LRRC9: variants seen among roughly 807,000 people sequenced by gnomAD.
LRRC9 encodes leucine-rich repeat-containing protein 9.
A neutral mutation model predicts 63.2 loss-of-function variants in LRRC9; 122 were observed. The observed-to-expected ratio is 1.93, with a 90% CI of 1.67 to 2.24. The LOEUF (loss-of-function observed/expected upper bound fraction) is 2.24, where lower values mean the gene tolerates loss of function less well. Among genes scored for constraint, LRRC9 ranks in the 30% most tolerant of loss-of-function variants. The probability of loss-of-function intolerance (pLI) is 0.00; values close to 1 mark genes in which losing one functional copy is unlikely to be tolerated. For synonymous variants in LRRC9, 366 were observed against 213.1 expected (o/e 1.72, Z -6.25); for missense variants, 1,071 against 627.7 (o/e 1.71, Z -7.55).
At chr14:59,982,104 T>C (rs1308232543) in intron 16 of LRRC9, 44 bp downstream of exon 16, 1 of 664,648 alleles carries the variant, frequency 1.5e-6, no homozygotes, top group Non-Finnish European at 2.7e-6. Flanking sequence ...GAATCTTGAA[T>C]TTGGAATCAG....
At chr14:59,940,657 G>C (rs1881664965) in intron 7 of LRRC9, among the ~76,000 whole-genome samples, 1 of 151,812 alleles carries the variant, frequency 6.6e-6, no homozygotes, top group African/African-American at 2.4e-5. Flanking sequence ...TTCAGTACAG[G>C]GTTGTTTTGG....
chr14:59,946,670 C>T (rs1290525306), intron 8 of LRRC9, among the ~76,000 whole-genome samples: 3 of 139,858 alleles, frequency 2.1e-5, no homozygotes, highest in Non-Finnish European at 4.6e-5. Flanking sequence ...CCACTCCTCA[C>T]CACAGTCCCC....
In LRRC9 at chr14:59,958,819, G is replaced by C. The variant is rs748756995; in HGVS notation, c.883-999G>C. 1.6e-3 allele frequency among the ~76,000 whole-genome samples: 251 copies of C among 152,318 alleles called. 4 individuals carry two copies. Among genetic ancestry groups the C allele is most frequent in the Non-Finnish European group, 4.4e-4 (30 of 68,026 alleles). On this transcript the variant is annotated intron_variant, in intron 8 of 31. Transcript: ENST00000445360. The surrounding 1 kb of genome is among the most constrained non-coding windows in gnomAD (Gnocchi z 4.0). ...AACGGTGGGAAAAGCATAGTAACCC[G>C]GCTGGGTAGCACAGTCCCTCACAGC... is the stretch of plus-strand genomic sequence containing the variant.
Position 59,933,633 on chromosome 14 carries a change from A to C in LRRC9, c.543+1594A>C, listed in dbSNP as rs191408990. 4.6e-5 allele frequency among the ~76,000 whole-genome samples: 7 copies of C among 152,342 alleles called. No homozygotes were observed. In the East Asian group the frequency reaches 1.3e-3, roughly 29 times the overall value. ...AAATATAAAAATACCAAAAAGCTAT[A>C]GAATGAGGCAGATTAAGTCCCTTAA... On this transcript the variant is annotated intron_variant, in intron 6 of 31. Transcript: ENST00000445360.
rs769138600 is a variant in LRRC9 at position 59,985,168 on chromosome 14, C to T, written c.2155C>T (p.Arg719Ter). 1.2e-5 allele frequency: 8 copies of T among 692,312 alleles called. No homozygotes were observed. Among genetic ancestry groups the T allele is most frequent in the African/African-American group, 5.3e-5 (3 of 57,070 alleles). 42.9% of individuals were successfully genotyped at this position (692,312 alleles called of 1,614,324 possible). ...AGATCTCTCCAAGTTAACAGGACTT[C>T]GAAAACTAAACATTAGCTTTAATGA... The change falls in exon 17 of 32, where the codon CGA becomes TGA. Residue 719 changes from arginine (R) to a stop codon, truncating the protein, a stop_gained. Coordinates refer to ENST00000445360, the Ensembl canonical transcript of LRRC9. LOFTEE classifies it high-confidence loss of function.
rs1894565311 is a variant in LRRC9 at position 60,060,187 on chromosome 14, C to A, written c.4276+2165C>A. ...TCAATGTACAAAGCTTGGATAACAG[C>A]ACATCTGTTTACAGCATAGTTTACT... On this transcript the variant is annotated intron_variant, in intron 31 of 31. Coordinates refer to ENST00000445360, the Ensembl canonical transcript of LRRC9. The surrounding 1 kb of genome is among the most constrained non-coding windows in gnomAD (Gnocchi z 4.0). 6.6e-6 allele frequency among the ~76,000 whole-genome samples: 1 copy of A among 152,194 alleles called. No individual in the cohort carries two copies. Among genetic ancestry groups the A allele is most frequent in the Admixed American group, 6.5e-5 (1 of 15,268 alleles).
chr14:59,984,806 T>C (rs2140115482), intron 16 of LRRC9, among the ~76,000 whole-genome samples: 1 of 152,320 alleles, frequency 6.6e-6, no homozygotes, highest in African/African-American at 2.4e-5. Flanking sequence ...TCTTAACACA[T>C]GTATTTATTT....
At chr14:59,945,736 A>G (rs1331636186) in intron 8 of LRRC9, among the ~76,000 whole-genome samples, 4 of 152,098 alleles carry the variant, frequency 2.6e-5, no homozygotes, top group Non-Finnish European at 4.4e-5. Flanking sequence ...GCTCATATGT[A>G]AAACAAAATA....
chr14:60,055,099 C>A (rs1049355158), intron 30 of LRRC9, among the ~76,000 whole-genome samples: 5 of 152,174 alleles, frequency 3.3e-5, no homozygotes, highest in African/African-American at 1.2e-4. Context: ...TTAATCTTGA[C>A]ATTTTTTGAT....
chr14:60,018,458 A>C (rs1890869916), exon 25 of LRRC9: 2 of 699,842 alleles, frequency 2.9e-6, no homozygotes, highest in Non-Finnish European at 5.2e-6. Flanking sequence ...TCAGTGGATT[A>C]ATCTATCTAC....
intron 26 of LRRC9, among the ~76,000 whole-genome samples, chr14:60,020,780 C>T (rs1891060178): frequency 6.6e-6 from 1 of 151,924 alleles, no homozygotes; most frequent in Admixed American, 6.6e-5. Context: ...GGTTCATTCA[C>T]ATTATGGCAT....
chr14:59,964,711 G>T lies in LRRC9; in HGVS notation c.1212-1878G>T, dbSNP rs1884658760. ...AGGCCCAGCAAATGATCCCTCTATAGGAGGGGCAGTAGCTTCCCCACCTCA... is the reference window on the plus strand; with the variant it reads ...AGGCCCAGCAAATGATCCCTCTATATGAGGGGCAGTAGCTTCCCCACCTCA... On this transcript the variant is annotated intron_variant, in intron 10 of 31. Coordinates refer to ENST00000445360, the Ensembl canonical transcript of LRRC9. This position sits in a 1 kb window ranked among gnomAD's most constrained non-coding sequence, Gnocchi z 4.4. Among the ~76,000 whole-genome samples the T allele has an allele frequency of 6.6e-6, 1 of 152,168 alleles. No individual in the cohort carries two copies. The highest frequency in any genetic ancestry group is 2.1e-4 in the South Asian group (1 of 4,820).
intron 29 of LRRC9, among the ~76,000 whole-genome samples, chr14:60,050,103 T>TCCTCCAC (rs765392471): frequency 0.021 from 3,165 of 152,188 alleles, 60 homozygotes; most frequent in South Asian, 0.05. Context: ...TTCAAGTGAT[T>TCCTCCAC]CTCCTGCCTC....
intron 13 of LRRC9, among the ~76,000 whole-genome samples, chr14:59,976,479 T>C (rs188179067): frequency 9.7e-4 from 148 of 152,312 alleles, no homozygotes; most frequent in African/African-American, 3.3e-3. Flanking sequence ...ATACGTGTTT[T>C]GCAGTTTTTT....
At chr14:60,018,373 C>T in exon 25 of LRRC9, 1 of 700,168 alleles carries the variant, frequency 1.4e-6, no homozygotes, top group East Asian at 2.7e-5. Flanking sequence ...AAATTCAGAA[C>T]AGTGGATTTG....
At chr14:59,980,098 G>T (rs1468383142) in intron 15 of LRRC9, among the ~76,000 whole-genome samples, 1 of 151,926 alleles carries the variant, frequency 6.6e-6, no homozygotes, top group African/African-American at 2.4e-5. Context: ...ATGTCAAAAA[G>T]CCTGTAATAA....
chr14:59,961,429 T>G (rs1351629450), intron 10 of LRRC9, among the ~76,000 whole-genome samples: 1 of 152,110 alleles, frequency 6.6e-6, no homozygotes, highest in Non-Finnish European at 1.5e-5. Flanking sequence ...TGAATATTGG[T>G]TGAGAAACTG....
chr14:59,944,207 TTAA>T, intron 7 of LRRC9, among the ~76,000 whole-genome samples: 1 of 152,112 alleles, frequency 6.6e-6, no homozygotes, highest in Middle Eastern at 3.4e-3. Flanking sequence ...TTAATTCTTA[TTAA>T]TTTATTTTAT....
chr14:60,050,436 T>C (rs1730993657), intron 29 of LRRC9, among the ~76,000 whole-genome samples: 2 of 152,232 alleles, frequency 1.3e-5, no homozygotes, highest in African/African-American at 4.8e-5. Flanking sequence ...CGTTTCTCTC[T>C]AAACTGACTA....
Sources: allele counts gnomAD v4.1 joint callset (sites outside exome capture counted in the v4.1 genomes callset), GRCh38; gene constraint gnomAD v4.1.1; non-coding constraint Gnocchi (gnomAD v3.1); transcripts MANE v1.5; gene names NCBI Gene and HGNC (gene_info 2026-07-23, HGNC 2026-07-21).